The following ARHGAP26 variants were observed in gnomAD, a reference collection of about 807,000 sequenced individuals.
The protein encoded by ARHGAP26 is Rho GTPase activating protein 26.
Under a neutral mutation model 104.8 loss-of-function variants are expected in ARHGAP26, and 38 were observed. The observed-to-expected ratio is 0.36, with a 90% CI of 0.28 to 0.48. The LOEUF is 0.48. Ranked by LOEUF, ARHGAP26 falls within the 20% of genes least tolerant of loss-of-function variation. The probability of loss-of-function intolerance (pLI) is 0.99; values close to 1 mark genes in which losing one functional copy is unlikely to be tolerated. For missense variants in ARHGAP26, 704 were observed against 947.9 expected (o/e 0.74, Z 3.38); for synonymous variants, 341 against 340.0 (o/e 1.00, Z -0.03).
At chr5:143,021,849 T>C (rs998697568) in intron 12 of ARHGAP26, among the ~76,000 whole-genome samples, 1 of 152,230 alleles carries the variant, frequency 6.6e-6, no homozygotes, top group Admixed American at 6.5e-5. Flanking sequence ...AACACTGCTC[T>C]TGAAGGGAGG....
chr5:142,927,237 A>G (rs901658202), intron 10 of ARHGAP26, among the ~76,000 whole-genome samples: 1 of 151,954 alleles, frequency 6.6e-6, no homozygotes, highest in African/African-American at 2.4e-5. Flanking sequence ...TACACACACA[A>G]CTGTGTAACC....
intron 20 of ARHGAP26, among the ~76,000 whole-genome samples, chr5:143,171,065 A>G (rs1227578627): frequency 1.3e-5 from 2 of 152,212 alleles, no homozygotes; most frequent in South Asian, 2.1e-4. Flanking sequence ...GAAAGGAGCT[A>G]TAATAAAGGA....
At chr5:143,124,077 C>T (rs1199081795) in intron 18 of ARHGAP26, among the ~76,000 whole-genome samples, 3 of 152,202 alleles carry the variant, frequency 2.0e-5, no homozygotes, top group Admixed American at 6.5e-5. Flanking sequence ...AAATGCTTTC[C>T]AGCAGCACCT....
At chr5:142,905,638 A>G (rs1213164207) in intron 8 of ARHGAP26, among the ~76,000 whole-genome samples, 1 of 152,212 alleles carries the variant, frequency 6.6e-6, no homozygotes, top group Non-Finnish European at 1.5e-5. Flanking sequence ...ATGGTTGCAT[A>G]TACCATGCTT....
At chr5:142,959,980 T>G (rs1769943611) in intron 11 of ARHGAP26, among the ~76,000 whole-genome samples, 1 of 152,234 alleles carries the variant, frequency 6.6e-6, no homozygotes, top group South Asian at 2.1e-4. Flanking sequence ...TGTTTTTGTA[T>G]TCCAAGGGCC....
intron 1 of ARHGAP26, among the ~76,000 whole-genome samples, chr5:142,835,975 A>G (rs1287368199): frequency 2.0e-5 from 3 of 152,240 alleles, no homozygotes; most frequent in East Asian, 1.9e-4. Context: ...GAAGCAATTC[A>G]CAGAGTTAGT....
chr5:143,014,237 C>G, intron 12 of ARHGAP26, 121 bp downstream of exon 12: 1 of 1,094,296 alleles, frequency 9.1e-7, no homozygotes, highest in African/African-American at 1.6e-5. Flanking sequence ...CTCCAGTTCC[C>G]GAGTGCAGTG....
At chr5:143,116,955 T>A (rs781436265) in intron 17 of ARHGAP26, among the ~76,000 whole-genome samples, 5 of 152,208 alleles carry the variant, frequency 3.3e-5, no homozygotes, top group Non-Finnish European at 1.5e-5. Context: ...CAGAAGAAAC[T>A]GGATCTCTCC....
chr5:142,948,475 A>G (rs1767515976), intron 11 of ARHGAP26, among the ~76,000 whole-genome samples: 1 of 151,876 alleles, frequency 6.6e-6, no homozygotes, highest in Non-Finnish European at 1.5e-5. Context: ...AATTTATGAA[A>G]AATATATAAT....
Position 142,906,674 on chromosome 5 carries a change from T to G in ARHGAP26, c.833-1030T>G, listed in dbSNP as rs557317381. ...CAGTGCTTTGGGAATCTTTGTGTTGTTCAATTACTGGAATTTTTTCCCCAG... is the reference window on the plus strand; with the variant it reads ...CAGTGCTTTGGGAATCTTTGTGTTGGTCAATTACTGGAATTTTTTCCCCAG... On this transcript the variant is annotated intron_variant, in intron 8 of 22. Transcript: ENST00000645722. 1.8e-4 allele frequency among the ~76,000 whole-genome samples: 28 copies of G among 152,360 alleles called. No homozygotes were observed. In the South Asian group the frequency reaches 5.0e-3, roughly 27 times the overall value.
At chr5:143,052,214 G>A (rs1455278790) in intron 14 of ARHGAP26, among the ~76,000 whole-genome samples, 3 of 152,160 alleles carry the variant, frequency 2.0e-5, no homozygotes, top group African/African-American at 7.2e-5. Flanking sequence ...GCTCATGCCT[G>A]TAATCCCAGC....
intron 17 of ARHGAP26, among the ~76,000 whole-genome samples, chr5:143,086,310 A>G (rs3776320): frequency 0.069 from 10,464 of 152,218 alleles, 597 homozygotes; most frequent in East Asian, 0.21. Context: ...TTTTTCTAGA[A>G]TTTTGACTGT....
chr5:142,795,208 T>A (rs531342275), intron 1 of ARHGAP26, among the ~76,000 whole-genome samples: 1 of 152,176 alleles, frequency 6.6e-6, no homozygotes, highest in Non-Finnish European at 1.5e-5. Flanking sequence ...GCCCATTGAC[T>A]GTATGGGCAT....
chr5:142,990,247 G>A (rs151975), intron 11 of ARHGAP26, among the ~76,000 whole-genome samples: 28,145 of 151,918 alleles, frequency 0.19, 3,081 homozygotes, highest in East Asian at 0.47. Context: ...TGATCAAATC[G>A]GCTACTGAAG....
intron 20 of ARHGAP26, among the ~76,000 whole-genome samples, chr5:143,197,306 T>C (rs188532292): frequency 6.6e-6 from 1 of 152,274 alleles, no homozygotes; most frequent in African/African-American, 2.4e-5. Flanking sequence ...TTTTTGAAAA[T>C]GATTGTAGCA....
intron 11 of ARHGAP26, among the ~76,000 whole-genome samples, chr5:142,963,424 G>A (rs1770752343): frequency 6.6e-6 from 1 of 151,744 alleles, no homozygotes; most frequent in Non-Finnish European, 1.5e-5. Flanking sequence ...AGCTGTTTGA[G>A]GAATTGCCGT....
chr5:143,098,347 T>C (rs985995054), intron 17 of ARHGAP26, among the ~76,000 whole-genome samples: 15 of 152,334 alleles, frequency 9.8e-5, no homozygotes, highest in African/African-American at 3.6e-4. Flanking sequence ...AGGTGATTTT[T>C]TTAATTTTTA....
At chr5:142,919,448 C>G in intron 10 of ARHGAP26, 1 of 398,532 alleles carries the variant, frequency 2.5e-6, no homozygotes, top group Non-Finnish European at 4.4e-6. Flanking sequence ...ATTAAGCCAG[C>G]CAGTTTGTGG....
chr5:143,048,039 A>G (rs246655), intron 14 of ARHGAP26, among the ~76,000 whole-genome samples: 34,545 of 151,672 alleles, frequency 0.23, 7,453 homozygotes, highest in African/African-American at 0.57. Context: ...AGTAGAGTCA[A>G]GGTTTCACCA....
Sources: gnomAD v4.1 joint callset for allele counts (sites outside exome capture counted in the v4.1 genomes callset) on GRCh38, gnomAD v4.1.1 for gene constraint, MANE v1.5 for transcripts, NCBI Gene and HGNC (gene_info 2026-07-23, HGNC 2026-07-21) for gene names.